The following TFF2 variants were observed in gnomAD, a reference collection of about 807,000 sequenced individuals.
The protein encoded by TFF2 is spasmolysin.
Under a neutral mutation model 16.0 loss-of-function variants are expected in TFF2, and 19 were observed. The observed-to-expected ratio is 1.19, with a 90% CI of 0.83 to 1.74. The LOEUF is 1.74. Among genes scored for constraint, TFF2 ranks in the 40% most tolerant of loss-of-function variants. The pLI, the probability that TFF2 is intolerant of heterozygous loss-of-function variation, is 0.00. For synonymous variants in TFF2, 61 were observed against 65.4 expected, an observed-to-expected ratio of 0.93 and a Z score of 0.32; for missense variants, 168 against 166.8, an observed-to-expected ratio of 1.01 and a Z score of -0.04.
intron 2 of TFF2, among the ~76,000 whole-genome samples, chr21:42,348,710 G>A (rs1449088904): frequency 2.0e-5 from 3 of 151,290 alleles, no homozygotes; most frequent in Admixed American, 1.3e-4. Flanking sequence ...AACCAACCTG[G>A]GCTACCTCTA....
In TFF2 at chr21:42,350,915, G is replaced by A. The variant is rs1460436123; in HGVS notation, c.43C>T (p.Leu15=). ...DAQLLAALLV[L]GLCALAGSEK... Reference sequence around the variant, plus strand: ...CTCCCCGCCAGGGCACATAGCCCCAGGACGAGGAGCGCTGCCAGGAGCTGG... The same window carrying A: ...CTCCCCGCCAGGGCACATAGCCCCAAGACGAGGAGCGCTGCCAGGAGCTGG... Residue 15 remains leucine, a synonymous_variant, in exon 1 of 4, where the codon CTG becomes TTG. Transcript: ENST00000291526. The A allele has an allele frequency of 3.1e-6, 5 of 1,613,796 alleles. No individual in the cohort carries two copies. Among genetic ancestry groups the A allele is most frequent in the Non-Finnish European group, 4.2e-6 (5 of 1,179,922 alleles).
Position 42,349,279 on chromosome 21 carries a change from C to G in TFF2, c.229+602G>C, listed in dbSNP as rs184914114. Among the ~76,000 whole-genome samples the G allele has an allele frequency of 1.8e-4, 27 of 152,158 alleles. No homozygotes were observed. The East Asian group carries it at 4.8e-3, about 27-fold the overall frequency. ...CTTGGGCTAGCTCCAGACTAACCAA[C>G]CTAGGCTACTAGCCCCAGACTAATC... is the stretch of plus-strand genomic sequence containing the variant. On this transcript the variant is annotated intron_variant, in intron 2 of 3. Coordinates refer to ENST00000291526, the MANE Select transcript of TFF2 (RefSeq NM_005423.5).
intron 2 of TFF2, 106 bp from the exon 3 acceptor site, chr21:42,347,738 G>A (rs1224621999): frequency 4.3e-6 from 6 of 1,410,190 alleles, no homozygotes; most frequent in Non-Finnish European, 5.7e-6. Flanking sequence ...AGCCTCCGTG[G>A]ATCATGAGGT....
At position 42,346,653 on chromosome 21, in the gene TFF2, TGAA is replaced by T. The variant is rs1465784322; in HGVS notation, c.377-110_377-108del. Reference sequence around the variant, plus strand: ...ATCACTTTGCCCAGGAGCTTCCTACTGAAGAAGGAGCTCCTTTCCCGGGGAGGG... The same window carrying T: ...ATCACTTTGCCCAGGAGCTTCCTACTGAAGGAGCTCCTTTCCCGGGGAGGG... On this transcript the variant is annotated intron_variant, in intron 3 of 3. Transcript: ENST00000291526. 2.4e-6 allele frequency: 3 copies of T among 1,255,020 alleles called. 1 individual carries two copies. The highest frequency in any genetic ancestry group is 3.3e-6 in the Non-Finnish European group (3 of 907,242). 77.7% of individuals were successfully genotyped at this position (1,255,020 alleles called of 1,614,324 possible).
intron 2 of TFF2, among the ~76,000 whole-genome samples, chr21:42,349,115 C>T (rs181142257): frequency 5.4e-5 from 8 of 148,794 alleles, no homozygotes; most frequent in East Asian, 2.0e-4. Flanking sequence ...GGGCTAGCTC[C>T]GATTAACCAA....
At position 42,346,374 on chromosome 21, in the gene TFF2, G is replaced by T. The variant is rs2052067524; in HGVS notation, c.*159C>A. The T allele has an allele frequency of 1.0e-6, 1 of 992,940 alleles. No individual in the cohort carries two copies. The highest frequency in any genetic ancestry group is 1.7e-5 in the African/African-American group (1 of 60,386). 61.5% of individuals were successfully genotyped at this position (992,940 alleles called of 1,614,324 possible). A position where few individuals can be genotyped will look rare whatever the true frequency, so the allele number is the denominator to read the frequency against. Reference sequence around the variant, plus strand: ...AAAAGAAATTTAGCAGATTTTAAGGGTTTTATTTAAAGAAATTATATGTTA... The same window carrying T: ...AAAAGAAATTTAGCAGATTTTAAGGTTTTTATTTAAAGAAATTATATGTTA... On this transcript the variant is annotated 3_prime_UTR_variant, in exon 4 of 4. Transcript: ENST00000291526.
chr21:42,347,868 T>C (rs191093950), intron 2 of TFF2, among the ~76,000 whole-genome samples: 1 of 152,330 alleles, frequency 6.6e-6, no homozygotes, highest in East Asian at 1.9e-4. Context: ...TTGGCTGGCC[T>C]GTCCTCCGCG....
At position 42,347,586 on chromosome 21, in the gene TFF2, G is replaced by A; in HGVS notation, c.276C>T (p.Gly92=). The part of the protein sequence containing the change: ...VMEVSDRRNC[G]YPGISPEECA... ...ATTCCTCGGGGCTGATGCCCGGGTA[G>A]CCACAGTTTCTTCGGTCTGAGACCT... The change falls in exon 3 of 4, where the codon GGC becomes GGT. Residue 92 remains glycine (G), a synonymous_variant. Coordinates refer to ENST00000291526, the MANE Select transcript of TFF2 (RefSeq NM_005423.5). 1 of 1,614,236 alleles carries A rather than the reference G, an allele frequency of 6.2e-7. No individual in the cohort carries two copies. Among genetic ancestry groups the A allele is most frequent in the Non-Finnish European group, 8.5e-7 (1 of 1,180,036 alleles).
intron 1 of TFF2, among the ~76,000 whole-genome samples, chr21:42,350,660 A>T (rs1485910469): frequency 6.6e-6 from 1 of 152,168 alleles, no homozygotes; most frequent in Non-Finnish European, 1.5e-5. Flanking sequence ...CTGGCCCGAC[A>T]CGGGGCCCGC....
At position 42,347,511 on chromosome 21, in the gene TFF2, C is replaced by T. The variant is rs2052078643; in HGVS notation, c.351G>A (p.Trp117Ter). The T allele has an allele frequency of 6.2e-7, 1 of 1,614,034 alleles. No individual in the cohort carries two copies. The highest frequency in any genetic ancestry group is 1.3e-5 in the African/African-American group (1 of 74,920). ...CFSNFIFEVP[W>*]CFFPKSVEDC... The stretch of plus-strand genomic sequence containing the variant: ...CTTCCACAGACTTCGGGAAGAAGCA[C>T]CAGGGCACTTCAAAGATGAAGTTGG... The change falls in exon 3 of 4, where the codon TGG (tryptophan) becomes TGA (stop). Residue 117 changes from tryptophan (W) to a stop codon, truncating the protein, a stop_gained. Coordinates refer to ENST00000291526, the MANE Select transcript of TFF2 (RefSeq NM_005423.5). LOFTEE classifies it high-confidence loss of function.
intron 2 of TFF2, among the ~76,000 whole-genome samples, chr21:42,348,089 G>A (rs895156292): frequency 5.9e-5 from 9 of 152,188 alleles, no homozygotes; most frequent in African/African-American, 2.2e-4. Context: ...GTGGGCGCTC[G>A]TGAACAATCC....
At chr21:42,347,339 G>T in intron 3 of TFF2, 147 bp downstream of exon 3, 1 of 985,706 alleles carries the variant, frequency 1.0e-6, no homozygotes, top group Non-Finnish European at 1.5e-6. Context: ...TTCTGGAATT[G>T]CCTTCAGAAT....
chr21:42,346,612 G>C, intron 3 of TFF2, 66 bp from the exon 4 acceptor site: 1 of 1,522,274 alleles, frequency 6.6e-7, no homozygotes, highest in Non-Finnish European at 8.9e-7. Flanking sequence ...AGGCTGCGAA[G>C]CTGGGGTGGG....
In TFF2 at chr21:42,346,473, T is replaced by C. The variant is rs1052584779; in HGVS notation, c.*60A>G. ...GAAGTATGAAGCTGATAAGGCGAAG[T>C]TTCTTCTTTGGTTTCGGAACACCCG... On this transcript the variant is annotated 3_prime_UTR_variant, in exon 4 of 4. Transcript: ENST00000291526. The C allele has an allele frequency of 3.1e-6, 5 of 1,606,104 alleles. No individual in the cohort carries two copies. The highest frequency in any genetic ancestry group is 4.3e-6 in the Non-Finnish European group (5 of 1,173,860).
intron 1 of TFF2, 177 bp from the exon 2 acceptor site, chr21:42,350,207 G>T: frequency 8.9e-6 from 11 of 1,231,162 alleles, no homozygotes; most frequent in Admixed American, 3.9e-5. Context: ...GGGCTTTGCT[G>T]AAATTGTTAT....
In TFF2 at chr21:42,346,616, G is replaced by C. The variant is rs947836774; in HGVS notation, c.377-70C>G. On this transcript the variant is annotated intron_variant, in intron 3 of 3. Coordinates refer to ENST00000291526, the MANE Select transcript of TFF2 (RefSeq NM_005423.5). Reference sequence around the variant, plus strand: ...TGGGAGTGCCTAGGCTGCGAAGCTGGGGTGGGCGTGCATCACTTTGCCCAG... The same window carrying C: ...TGGGAGTGCCTAGGCTGCGAAGCTGCGGTGGGCGTGCATCACTTTGCCCAG... 4 of 1,512,880 alleles carry C rather than the reference G, an allele frequency of 2.6e-6. No individual in the cohort carries two copies. In the African/African-American group the frequency reaches 5.6e-5, roughly 21 times the overall value. 93.7% of individuals were successfully genotyped at this position (1,512,880 alleles called of 1,614,324 possible). A position where few individuals can be genotyped will look rare whatever the true frequency, so the allele number is the denominator to read the frequency against.
At chr21:42,348,441 A>G (rs2052086569) in intron 2 of TFF2, among the ~76,000 whole-genome samples, 1 of 152,106 alleles carries the variant, frequency 6.6e-6, no homozygotes, top group Admixed American at 6.5e-5. Flanking sequence ...TACTATATAT[A>G]TATATATTTT....
rs73368575 is a variant in TFF2, at chr21:42,346,778, G to A, written c.377-232C>T. Among the ~76,000 whole-genome samples the A allele has an allele frequency of 2.8e-3, 422 of 152,094 alleles. 2 individuals are homozygous for A. The highest frequency in any genetic ancestry group is 9.6e-3 in the African/African-American group (399 of 41,460). On this transcript the variant is annotated intron_variant, in intron 3 of 3. Transcript: ENST00000291526. ...TGAACATTTTCTAGGTGGACCTTTA[G>A]GTCACATAAAAAAAATCACTCGGAA...
intron 3 of TFF2, 31 bp from the exon 4 acceptor site, chr21:42,346,577 G>C (rs977725335): frequency 1.1e-5 from 18 of 1,587,298 alleles, no homozygotes; most frequent in Non-Finnish European, 1.5e-5. Flanking sequence ...TGGTTGGTAA[G>C]GGAACCCCAG....
Sources: allele counts gnomAD v4.1 joint callset (sites outside exome capture counted in the v4.1 genomes callset), GRCh38; gene constraint gnomAD v4.1.1; transcripts MANE v1.5; gene names NCBI Gene and HGNC (gene_info 2026-07-23, HGNC 2026-07-21).